Variants in SPAG6 observed in about 807,000 individuals in gnomAD.
The protein encoded by SPAG6 is sperm associated antigen 6, also known as sperm-associated antigen 6.
In SPAG6, 49 loss-of-function variants were observed where a neutral mutation model predicts 58.5. That is an observed-to-expected ratio of 0.84 (90% CI 0.67 to 1.06). The LOEUF is 1.06. Among genes scored for constraint, SPAG6 ranks in the 50% least tolerant of loss-of-function variants. SPAG6 has a pLI of 0.00. For synonymous variants in SPAG6, 233 were observed against 225.6 expected, an observed-to-expected ratio of 1.03 and a Z score of -0.29; for missense variants, 560 against 611.3, an observed-to-expected ratio of 0.92 and a Z score of 0.89.
At chr10:22,347,926 A>T (rs1380264913) in intron 2 of SPAG6, among the ~76,000 whole-genome samples, 2 of 152,242 alleles carry the variant, frequency 1.3e-5, no homozygotes, top group African/African-American at 2.4e-5. Flanking sequence ...TTAAATACAG[A>T]CATAATGAAT....
At chr10:22,403,817 G>A (rs1210343925) in intron 9 of SPAG6, among the ~76,000 whole-genome samples, 1 of 147,150 alleles carries the variant, frequency 6.8e-6, no homozygotes, top group Non-Finnish European at 1.5e-5. Flanking sequence ...ACTTTTTAAT[G>A]ATCGCCATTC....
At chr10:22,413,350 G>C (rs1033918834) in intron 10 of SPAG6, among the ~76,000 whole-genome samples, 1 of 151,854 alleles carries the variant, frequency 6.6e-6, no homozygotes, top group South Asian at 2.1e-4. Context: ...TGGCTAACAC[G>C]GTGAAACCCC....
intron 3 of SPAG6, 83 bp downstream of exon 3, chr10:22,365,102 G>C (rs1488436981): frequency 8.4e-6 from 8 of 952,644 alleles, no homozygotes; most frequent in African/African-American, 5.0e-5. Context: ...TTGCAAGCCT[G>C]TAGGCATAAA....
In SPAG6 at chr10:22,416,847, G is replaced by A. The variant is rs555006977; in HGVS notation, c.*159G>A. On this transcript the variant is annotated 3_prime_UTR_variant, in exon 11 of 11. Coordinates refer to ENST00000376624, the MANE Select transcript of SPAG6 (RefSeq NM_012443.4). ...AATTTATGTAATACTTTAAACATTC[G>A]TAGCTTGAATATGTGAGGAACTATT... is the stretch of plus-strand genomic sequence containing the variant. 9 of 496,870 alleles carry A rather than the reference G, an allele frequency of 1.8e-5. No homozygotes were observed. Among genetic ancestry groups the A allele is most frequent in the East Asian group, 6.3e-5 (2 of 31,920 alleles). The allele number at this position is 496,870 out of a possible 1,614,324, so 30.8% of individuals were successfully genotyped here.
chr10:22,413,077 A>AAAAAAAAAAAAAAAAT (rs1834780642), intron 10 of SPAG6: 1 of 150,300 alleles, frequency 6.7e-6, no homozygotes, highest in Non-Finnish European at 1.5e-5. Flanking sequence ...AAAAAAAAAA[A>AAAAAAAAAAAAAAAAT]AAAAAAAAAA....
rs1383376167 is a variant in SPAG6 at position 22,348,179 on chromosome 10, CG to C, written c.121+2365del. Reference sequence around the variant, plus strand: ...CTAATTTTTGTACTTTTAGTAGAGACGGGGTTCCAGCATGTTGGCCAGGATG... The same window carrying C: ...CTAATTTTTGTACTTTTAGTAGAGACGGGTTCCAGCATGTTGGCCAGGATG... On this transcript the variant is annotated intron_variant, in intron 2 of 10. Coordinates refer to ENST00000376624, the MANE Select transcript of SPAG6 (RefSeq NM_012443.4). 5.3e-5 allele frequency among the ~76,000 whole-genome samples: 8 copies of C among 152,248 alleles called. No individual in the cohort carries two copies. The East Asian group carries it at 1.5e-3, about 29-fold the overall frequency.
At chr10:22,351,676 GT>G (rs1250239552) in intron 2 of SPAG6, among the ~76,000 whole-genome samples, 2 of 152,140 alleles carry the variant, frequency 1.3e-5, no homozygotes, top group Non-Finnish European at 2.9e-5. Flanking sequence ...CTATTGAGTG[GT>G]TGTACTAGCC....
chr10:22,358,117 G>T (rs531065981), intron 2 of SPAG6, among the ~76,000 whole-genome samples: 1,525 of 152,140 alleles, frequency 0.01, 34 homozygotes, highest in African/African-American at 0.035. Context: ...GGATGGCTGG[G>T]TCAAATGGTA....
chr10:22,365,126 T>C (rs1837160879), intron 3 of SPAG6, 107 bp downstream of exon 3: 1 of 706,014 alleles, frequency 1.4e-6, no homozygotes, highest in East Asian at 2.8e-5. Context: ...ATTAGGGGGT[T>C]AACACAATCT....
chr10:22,379,407 A>G (rs919734270), intron 4 of SPAG6, among the ~76,000 whole-genome samples: 5 of 152,228 alleles, frequency 3.3e-5, no homozygotes, highest in Non-Finnish European at 5.9e-5. Context: ...GGCTTAGATT[A>G]TAAAAGACTG....
intron 4 of SPAG6, among the ~76,000 whole-genome samples, chr10:22,373,874 GA>G: frequency 6.6e-6 from 1 of 152,062 alleles, no homozygotes; most frequent in South Asian, 2.1e-4. Context: ...AGGTGCTAGT[GA>G]AAAAAATATA....
chr10:22,362,209 A>G (rs1230614948), intron 2 of SPAG6, among the ~76,000 whole-genome samples: 2 of 147,274 alleles, frequency 1.4e-5, no homozygotes, highest in Non-Finnish European at 3.0e-5. Flanking sequence ...CACTTGATAT[A>G]TATGTATATA....
chr10:22,345,823 G>A lies in SPAG6; in HGVS notation c.121+5G>A, dbSNP rs1244454700. The A allele has an allele frequency of 6.2e-7, 1 of 1,611,534 alleles. No individual in the cohort carries two copies. Among genetic ancestry groups the A allele is most frequent in the South Asian group, 1.1e-5 (1 of 90,714 alleles). ...TCGAGACGCTGCAGAACGCGGGTGA[G>A]CCCGGAGCCCGAACCCCCGTCGCCC... On this transcript the variant is annotated splice_donor_5th_base_variant and intron_variant, in intron 2 of 10. Transcript: ENST00000376624. The surrounding 1 kb of genome is among the most constrained non-coding windows in gnomAD (Gnocchi z 6.3).
intron 2 of SPAG6, among the ~76,000 whole-genome samples, chr10:22,355,104 G>T (rs1468823248): frequency 6.6e-6 from 1 of 152,134 alleles, no homozygotes; most frequent in African/African-American, 2.4e-5. Flanking sequence ...TAGAAATAAT[G>T]TGAATTCAAC....
intron 2 of SPAG6, among the ~76,000 whole-genome samples, chr10:22,357,469 T>C (rs1836900305): frequency 6.6e-6 from 1 of 152,228 alleles, no homozygotes; most frequent in African/African-American, 2.4e-5. Flanking sequence ...ATGGGACCAT[T>C]GAACCTTTAA....
chr10:22,358,432 G>GT (rs1013105825), intron 2 of SPAG6, among the ~76,000 whole-genome samples: 7 of 151,926 alleles, frequency 4.6e-5, no homozygotes, highest in African/African-American at 1.7e-4. Context: ...TGATGGGGTT[G>GT]TTTTTTTCTT....
chr10:22,400,364 C>T (rs552587134), intron 8 of SPAG6, among the ~76,000 whole-genome samples: 15 of 152,186 alleles, frequency 9.9e-5, no homozygotes, highest in South Asian at 6.2e-4. Flanking sequence ...CTGAAGGGGA[C>T]AGCCTTTAAG....
intron 2 of SPAG6, among the ~76,000 whole-genome samples, chr10:22,362,107 A>C (rs1285769317): frequency 6.9e-6 from 1 of 145,690 alleles, no homozygotes. Context: ...TTCGATGTAA[A>C]TATATATAAA....
At chr10:22,403,244 A>G (rs2130621337) in intron 9 of SPAG6, among the ~76,000 whole-genome samples, 1 of 152,278 alleles carries the variant, frequency 6.6e-6, no homozygotes, top group African/African-American at 2.4e-5. Context: ...CTAACTCGTC[A>G]TCTAGCATGA....
Sources: gnomAD v4.1 joint callset for allele counts (sites outside exome capture counted in the v4.1 genomes callset) on GRCh38, gnomAD v4.1.1 for gene constraint, Gnocchi (gnomAD v3.1) non-coding constraint, MANE v1.5 for transcripts, NCBI Gene and HGNC (gene_info 2026-07-23, HGNC 2026-07-21) for gene names.